EIF4G3: variants seen among roughly 807,000 people sequenced by gnomAD.
EIF4G3 encodes eIF-4-gamma 3.
Under a neutral mutation model 186.4 loss-of-function variants are expected in EIF4G3, and 34 were observed. That is an observed-to-expected ratio of 0.18 (90% confidence interval 0.14 to 0.24). The LOEUF is 0.24. Among genes scored for constraint, EIF4G3 ranks in the 10% least tolerant of loss-of-function variants. The pLI is 1.00. For missense variants in EIF4G3, 1,536 were observed against 1,948.5 expected (o/e 0.79, Z 3.99); for synonymous variants, 673 against 679.5 (o/e 0.99, Z 0.15).
chr1:21,127,239 A>G (rs1304967398), intron 2 of EIF4G3, among the ~76,000 whole-genome samples: 2 of 152,044 alleles, frequency 1.3e-5, no homozygotes, highest in African/African-American at 4.8e-5. Context: ...TCCTCCCCAA[A>G]GTGCTGGGAT....
intron 16 of EIF4G3, among the ~76,000 whole-genome samples, chr1:20,898,313 G>C (rs1039527178): frequency 6.6e-6 from 1 of 151,908 alleles, no homozygotes; most frequent in Non-Finnish European, 1.5e-5. Flanking sequence ...AACATAGTGA[G>C]ACCCTCCCTC....
At chr1:21,063,258 G>T (rs2095027852) in intron 3 of EIF4G3, among the ~76,000 whole-genome samples, 1 of 152,006 alleles carries the variant, frequency 6.6e-6, no homozygotes, top group Non-Finnish European at 1.5e-5. Context: ...AAAATCAAAA[G>T]TAACCAGGTC....
chr1:20,989,964 G>A (rs548029489), intron 7 of EIF4G3, among the ~76,000 whole-genome samples: 9 of 152,058 alleles, frequency 5.9e-5, no homozygotes, highest in Non-Finnish European at 1.3e-4. Context: ...ATCACCTGAG[G>A]TCAGGAGTTT....
At chr1:21,049,515 T>A (rs547610380) in intron 4 of EIF4G3, among the ~76,000 whole-genome samples, 1 of 152,320 alleles carries the variant, frequency 6.6e-6, no homozygotes, top group South Asian at 2.1e-4. Context: ...AACTCCAAAT[T>A]ATATAGGAAT....
intron 32 of EIF4G3, among the ~76,000 whole-genome samples, chr1:20,825,644 A>G (rs930904339): frequency 6.6e-6 from 1 of 152,242 alleles, no homozygotes. Context: ...ACATCAAAAA[A>G]AGTCCAATAC....
chr1:20,881,520 C>T (rs532305464), intron 19 of EIF4G3, among the ~76,000 whole-genome samples: 75 of 152,278 alleles, frequency 4.9e-4, no homozygotes, highest in African/African-American at 1.7e-3. Flanking sequence ...GGTATGGTGG[C>T]TCATGCCTAT....
rs531509318 is a variant in EIF4G3, at chr1:21,067,283, C to T, written c.-195-16289G>A. On this transcript the variant is annotated intron_variant, in intron 3 of 36. Coordinates refer to ENST00000602326, the MANE Select transcript of EIF4G3 (RefSeq NM_001391906.1). ...GAACAGCTGGGATTACAGGTGCCCA[C>T]CACCATGCCTGGCTAATTTTTGTAT... Among the ~76,000 whole-genome samples, 6 of 152,046 alleles carry T rather than the reference C, an allele frequency of 3.9e-5. No individual in the cohort carries two copies. The East Asian group carries it at 9.7e-4, about 24-fold the overall frequency.
chr1:21,139,636 C>A (rs1225486366), intron 2 of EIF4G3, among the ~76,000 whole-genome samples: 2 of 152,110 alleles, frequency 1.3e-5, no homozygotes, highest in African/African-American at 4.8e-5. Flanking sequence ...TTCTCTTAAG[C>A]TAGGGGTCTT....
chr1:20,837,736 A>C (rs1412418450), intron 30 of EIF4G3, among the ~76,000 whole-genome samples: 1 of 152,174 alleles, frequency 6.6e-6, no homozygotes, highest in East Asian at 1.9e-4. Flanking sequence ...CTCTCTAGAC[A>C]GTATGAACCA....
rs368799178 is a variant in EIF4G3, at chr1:20,981,184, G to C, written c.242C>G (p.Pro81Arg). Residue 81 changes from proline (P) to arginine (R), a missense_variant, in exon 9 of 37, where the codon CCG (proline) becomes CGG (arginine). Physicochemically the swap from Pro to Arg is moderately radical, Grantham distance 103. Around this residue, in one of 11 missense-constraint regions of EIF4G3, gnomAD observed 194 missense variants for 212.8 expected, o/e 0.91. Transcript: ENST00000602326. ...PQIQPPRATI[P>R]NSSPSIRPGA... ...AGGACGAATGGAAGGACTGCTGTTC[G>C]GGATGGTAGCTCTAGGAGGCTGTAT... 6.2e-7 allele frequency: 1 copy of C among 1,613,524 alleles called. No homozygotes were observed.
chr1:20,860,062 G>C (rs1174969355), intron 24 of EIF4G3, among the ~76,000 whole-genome samples: 1 of 152,054 alleles, frequency 6.6e-6, no homozygotes, highest in Non-Finnish European at 1.5e-5. Flanking sequence ...TACCTTACCA[G>C]ATAAACTGTA....
chr1:20,857,549 A>G, intron 24 of EIF4G3, 52 bp from the exon 25 acceptor site: 2 of 1,419,342 alleles, frequency 1.4e-6, no homozygotes, highest in Non-Finnish European at 2.0e-6. Context: ...TCAGTTTTAC[A>G]TTGAAAGAGT....
At chr1:21,070,902 T>C (rs891503815) in intron 3 of EIF4G3, among the ~76,000 whole-genome samples, 18 of 152,200 alleles carry the variant, frequency 1.2e-4, no homozygotes, top group African/African-American at 4.3e-4. Context: ...ATTGATATTG[T>C]TGTCTAGTAA....
Position 21,034,916 on chromosome 1 carries a change from G to A in EIF4G3, c.-67+15950C>T, listed in dbSNP as rs141457136. Among the ~76,000 whole-genome samples the A allele has an allele frequency of 5.1e-4, 78 of 152,230 alleles. 2 individuals are homozygous for A. The East Asian group carries it at 0.014, about 27-fold the overall frequency. ...CCAGAGGCGCCACCCTGGCAGGGTC[G>A]TAAGCCAGGCAAGGGGGAGCCCTGG... On this transcript the variant is annotated intron_variant, in intron 4 of 36. Transcript: ENST00000602326.
chr1:20,889,744 C>G (rs1176165597), intron 18 of EIF4G3, among the ~76,000 whole-genome samples: 1 of 152,134 alleles, frequency 6.6e-6, no homozygotes, highest in Non-Finnish European at 1.5e-5. Flanking sequence ...CCTGCCTCGG[C>G]CTCCCAAAGT....
chr1:21,135,895 G>C (rs2097232251), intron 2 of EIF4G3, among the ~76,000 whole-genome samples: 1 of 152,166 alleles, frequency 6.6e-6, no homozygotes, highest in Non-Finnish European at 1.5e-5. Context: ...CAGAAACAAA[G>C]AACACAGGCC....
chr1:21,064,139 A>C (rs2154579342), intron 3 of EIF4G3, among the ~76,000 whole-genome samples: 1 of 152,240 alleles, frequency 6.6e-6, no homozygotes, highest in South Asian at 2.1e-4. Context: ...CTGTCTTATA[A>C]AATCCTGCTT....
chr1:21,176,418 C>A (rs2103131866), intron 1 of EIF4G3, 60 bp from the exon 2 acceptor site: 2 of 219,000 alleles, frequency 9.1e-6, no homozygotes, highest in Non-Finnish European at 1.7e-5. Context: ...CCAACCCCCC[C>A]AGAGCGGGAC....
intron 33 of EIF4G3, among the ~76,000 whole-genome samples, chr1:20,822,588 CTTTT>C (rs71014119): frequency 7.7e-6 from 1 of 129,718 alleles, no homozygotes; most frequent in Admixed American, 7.7e-5. Flanking sequence ...GTTCTAATTT[CTTTT>C]TTTTTTTTTT....
Sources: allele counts gnomAD v4.1 joint callset (sites outside exome capture counted in the v4.1 genomes callset), GRCh38; gene constraint gnomAD v4.1.1; regional missense constraint gnomAD v4.1.1; transcripts MANE v1.5; gene names NCBI Gene and HGNC (gene_info 2026-07-23, HGNC 2026-07-21).